Variants in GPM6A observed in about 807,000 individuals in gnomAD.
GPM6A encodes glycoprotein M6A.
GPM6A carries 7 observed loss-of-function variants against 32.1 expected under a neutral mutation model. The observed-to-expected ratio is 0.22, with a 90% CI of 0.12 to 0.41. GPM6A has a LOEUF of 0.41. Among genes scored for constraint, GPM6A ranks in the 10% least tolerant of loss-of-function variants. The probability of loss-of-function intolerance (pLI) is 1.00; values close to 1 mark genes in which losing one functional copy is unlikely to be tolerated. For missense variants in GPM6A, 235 were observed against 347.2 expected (o/e 0.68, Z 2.57); for synonymous variants, 130 against 123.4 (o/e 1.05, Z -0.35).
At chr4:175,694,461 G>A (rs1744465278) in intron 2 of GPM6A, among the ~76,000 whole-genome samples, 1 of 152,162 alleles carries the variant, frequency 6.6e-6, no homozygotes, top group South Asian at 2.1e-4. Flanking sequence ...CTGGAGCAAA[G>A]GTCACTTTTG....
At chr4:175,746,788 G>T (rs1203127849) in intron 1 of GPM6A, among the ~76,000 whole-genome samples, 1 of 151,896 alleles carries the variant, frequency 6.6e-6, no homozygotes, top group Non-Finnish European at 1.5e-5. Context: ...GAGAGTTCGG[G>T]CTTCACAAAC....
chr4:175,684,203 C>G (rs904017271), intron 2 of GPM6A, among the ~76,000 whole-genome samples: 1 of 152,154 alleles, frequency 6.6e-6, no homozygotes. Flanking sequence ...GGCTAAGACA[C>G]AAGTGACAGA....
At chr4:175,960,984 T>G (rs1740145209) in intron 1 of GPM6A, among the ~76,000 whole-genome samples, 1 of 152,374 alleles carries the variant, frequency 6.6e-6, no homozygotes, top group Non-Finnish European at 1.5e-5. Flanking sequence ...GATGAGGACA[T>G]ACTGTTTAAT....
In GPM6A at chr4:175,862,964, G is replaced by C. The variant is rs564142147; in HGVS notation, c.-22-50715C>G. On this transcript the variant is annotated intron_variant, in intron 1 of 7. Transcript: ENST00000280187. ...TCAGCATGTGAGTTTTTGCAAATAC[G>C]ATTTTCTGTTTGTCATCTTTCTCTC... is the stretch of plus-strand genomic sequence containing the variant. Among the ~76,000 whole-genome samples, 452 of 152,042 alleles carry C rather than the reference G, an allele frequency of 3.0e-3. 1 individual carries two copies. The highest frequency in any genetic ancestry group is 4.9e-3 in the Non-Finnish European group (335 of 68,000).
chr4:175,909,548 C>T (rs964724158), intron 1 of GPM6A, among the ~76,000 whole-genome samples: 2 of 152,106 alleles, frequency 1.3e-5, no homozygotes, highest in Non-Finnish European at 2.9e-5. Context: ...GTGATTCCTA[C>T]CTTCCATCAG....
intron 2 of GPM6A, among the ~76,000 whole-genome samples, chr4:175,694,706 G>C (rs548126018): frequency 1.2e-4 from 19 of 152,308 alleles, no homozygotes; most frequent in African/African-American, 4.6e-4. Flanking sequence ...CCATGTGGTA[G>C]AAAAGAAAAG....
At chr4:175,931,709 C>CACACACACACATATATAT (rs1324269132) in intron 1 of GPM6A, among the ~76,000 whole-genome samples, 8 of 129,296 alleles carry the variant, frequency 6.2e-5, no homozygotes, top group African/African-American at 2.0e-4. Flanking sequence ...CACACACACA[C>CACACACACACATATATAT]ATATATATAT....
intron 1 of GPM6A, among the ~76,000 whole-genome samples, chr4:175,884,154 T>G (rs1737370541): frequency 1.3e-5 from 2 of 152,204 alleles, no homozygotes; most frequent in African/African-American, 2.4e-5. Flanking sequence ...TGAATATTTG[T>G]CAAGCATTAC....
At chr4:175,676,733 G>C (rs1198024284) in intron 2 of GPM6A, among the ~76,000 whole-genome samples, 1 of 151,976 alleles carries the variant, frequency 6.6e-6, no homozygotes, top group African/African-American at 2.4e-5. Context: ...GAAACAAAGT[G>C]AGAACCTATC....
upstream of GPM6A, chr4:175,812,391 C>T (rs182265357): frequency 1.5e-5 from 20 of 1,322,878 alleles, no homozygotes; most frequent in African/African-American, 1.8e-4. Flanking sequence ...GAGCTTAGCT[C>T]AGGCTCCCTC....
chr4:175,776,130 A>G lies in GPM6A; in HGVS notation c.37+36061T>C, dbSNP rs1008947601. ...AAAGGGACAATAAAAGAGATAACAC[A>G]TCGATGAGCAAAGACTTTTTCAAAA... On this transcript the variant is annotated intron_variant, in intron 1 of 6. Transcript: ENST00000393658. Among the ~76,000 whole-genome samples the G allele has an allele frequency of 2.0e-5, 3 of 152,192 alleles. No individual in the cohort carries two copies. In the East Asian group the frequency reaches 5.8e-4, roughly 29 times the overall value.
At chr4:175,737,850 T>A (rs2111159285) in intron 1 of GPM6A, among the ~76,000 whole-genome samples, 1 of 152,218 alleles carries the variant, frequency 6.6e-6, no homozygotes, top group Middle Eastern at 3.4e-3. Context: ...AGAGCAAGAA[T>A]TCACCAATTA....
At chr4:175,903,604 C>A (rs147689490) in intron 1 of GPM6A, among the ~76,000 whole-genome samples, 2 of 152,146 alleles carry the variant, frequency 1.3e-5, no homozygotes, top group African/African-American at 4.8e-5. Context: ...ATGTGATGCA[C>A]TGGGAATAGC....
intron 1 of GPM6A, among the ~76,000 whole-genome samples, chr4:175,746,484 AT>A (rs908501614): frequency 6.6e-5 from 10 of 152,160 alleles, no homozygotes; most frequent in African/African-American, 9.6e-5. Context: ...TTAAAATCTA[AT>A]TTTTTTTAAA....
At chr4:175,671,231 G>T (rs1158546349) in intron 3 of GPM6A, among the ~76,000 whole-genome samples, 2 of 151,734 alleles carry the variant, frequency 1.3e-5, no homozygotes, top group Middle Eastern at 3.4e-3. Context: ...TTTTTATGCA[G>T]CAGAGAGAAA....
intron 1 of GPM6A, among the ~76,000 whole-genome samples, chr4:175,725,358 C>G (rs746782243): frequency 6.6e-6 from 1 of 150,820 alleles, no homozygotes; most frequent in Non-Finnish European, 1.5e-5. Context: ...GTGGCGCCAT[C>G]ATGGCTCACT....
At position 175,959,815 on chromosome 4, in the gene GPM6A, G is replaced by T. The variant is rs1461812575; in HGVS notation, c.-23+42494C>A. ...TCTGTCCAGGATGGTTTTACAAAGGGTTATAAATAGAGGAGGGCTGAAAAT... is the reference window on the plus strand; with the variant it reads ...TCTGTCCAGGATGGTTTTACAAAGGTTTATAAATAGAGGAGGGCTGAAAAT... On this transcript the variant is annotated intron_variant, in intron 1 of 7. Coordinates refer to the GPM6A transcript ENST00000280187. Among the ~76,000 whole-genome samples, 6 of 152,238 alleles carry T rather than the reference G, an allele frequency of 3.9e-5. No homozygotes were observed. In the South Asian group the frequency reaches 1.2e-3, roughly 32 times the overall value.
At chr4:175,972,094 C>T (rs1398638472) in intron 1 of GPM6A, 1 of 152,172 alleles carries the variant, frequency 6.6e-6, no homozygotes, top group Non-Finnish European at 1.5e-5. Flanking sequence ...CCCTTCCCTT[C>T]ACATTATGAT....
intron 1 of GPM6A, chr4:175,960,848 A>G (rs965237046): frequency 3.9e-5 from 6 of 152,222 alleles, no homozygotes; most frequent in Non-Finnish European, 7.3e-5. Context: ...ATGCCACATC[A>G]GGATATACAA....
Sources: gnomAD v4.1 joint callset for allele counts (sites outside exome capture counted in the v4.1 genomes callset) on GRCh38, gnomAD v4.1.1 for gene constraint, MANE v1.5 for transcripts, NCBI Gene and HGNC (gene_info 2026-07-23, HGNC 2026-07-21) for gene names.